The following CATSPERB variants were observed in gnomAD, a reference collection of about 807,000 sequenced individuals.
The protein encoded by CATSPERB is catsper channel auxiliary subunit beta.
CATSPERB carries 93 observed loss-of-function variants against 128.3 expected under a neutral mutation model. The observed-to-expected ratio is 0.72, with a 90% CI of 0.61 to 0.86. The LOEUF (loss-of-function observed/expected upper bound fraction) is 0.86. Among genes scored for constraint, CATSPERB ranks in the 40% least tolerant of loss-of-function variants. The probability of loss-of-function intolerance (pLI) is 0.00; values close to 1 mark genes in which losing one functional copy is unlikely to be tolerated. For missense variants in CATSPERB, 1,153 were observed against 1,329.5 expected, an observed-to-expected ratio of 0.87 and a Z score of 2.06; for synonymous variants, 381 against 448.8, an observed-to-expected ratio of 0.85 and a Z score of 1.91.
intron 20 of CATSPERB, among the ~76,000 whole-genome samples, chr14:91,616,972 G>A (rs779001177): frequency 6.6e-6 from 1 of 151,852 alleles, no homozygotes; most frequent in African/African-American, 2.4e-5. Flanking sequence ...TTGAACTGCC[G>A]ACCTCAGGTG....
At chr14:91,590,308 ATCAC>A (rs1368009607) in intron 23 of CATSPERB, among the ~76,000 whole-genome samples, 8 of 152,286 alleles carry the variant, frequency 5.3e-5, no homozygotes, top group Admixed American at 3.3e-4. Context: ...AGGCAGGTGG[ATCAC>A]TTGAGGTCAG....
At chr14:91,633,683 G>GA (rs948249250) in intron 17 of CATSPERB, among the ~76,000 whole-genome samples, 4 of 151,718 alleles carry the variant, frequency 2.6e-5, no homozygotes, top group African/African-American at 9.7e-5. Flanking sequence ...AAAGTTAAAG[G>GA]AAAAAATTCT....
intron 15 of CATSPERB, among the ~76,000 whole-genome samples, chr14:91,646,741 C>A (rs1894614144): frequency 6.6e-6 from 1 of 152,182 alleles, no homozygotes; most frequent in African/African-American, 2.4e-5. Context: ...ATTGTTCTTG[C>A]CTGTCTAGAC....
intron 14 of CATSPERB, among the ~76,000 whole-genome samples, chr14:91,669,408 A>G (rs1895047293): frequency 6.6e-6 from 1 of 151,776 alleles, no homozygotes; most frequent in African/African-American, 2.4e-5. Context: ...AAATGCTACT[A>G]GGAGGAACTT....
chr14:91,656,060 T>C (rs947961783), intron 15 of CATSPERB, among the ~76,000 whole-genome samples: 1 of 152,172 alleles, frequency 6.6e-6, no homozygotes, highest in Non-Finnish European at 1.5e-5. Context: ...TTAAAACTTT[T>C]ATCCCAGAAT....
intron 5 of CATSPERB, among the ~76,000 whole-genome samples, chr14:91,711,446 G>T (rs1895838281): frequency 6.6e-6 from 1 of 152,126 alleles, no homozygotes. Flanking sequence ...GGCCAGGCTG[G>T]TCTTGAACTC....
chr14:91,723,332 A>G (rs1278751981), intron 3 of CATSPERB, 143 bp from the exon 4 acceptor site: 2 of 496,138 alleles, frequency 4.0e-6, no homozygotes. Context: ...TTCAGAACTC[A>G]GTAACCTATT....
intron 5 of CATSPERB, among the ~76,000 whole-genome samples, chr14:91,711,589 T>A (rs1895840576): frequency 6.6e-6 from 1 of 152,144 alleles, no homozygotes; most frequent in Non-Finnish European, 1.5e-5. Context: ...CAAAAGTTGT[T>A]TTGAATAAAA....
chr14:91,629,818 A>G (rs1285613), intron 17 of CATSPERB, among the ~76,000 whole-genome samples: 114,179 of 152,056 alleles, frequency 0.75, 43,282 homozygotes, highest in East Asian at 0.97. Context: ...GTGATTAAGC[A>G]CTGCTGTTCC....
intron 14 of CATSPERB, among the ~76,000 whole-genome samples, chr14:91,667,097 G>A (rs1894997824): frequency 6.6e-6 from 1 of 152,214 alleles, no homozygotes; most frequent in Admixed American, 6.5e-5. Flanking sequence ...CTGAGCCTTA[G>A]AACTGGGAAA....
At chr14:91,591,572 C>G (rs1403723314) in intron 23 of CATSPERB, among the ~76,000 whole-genome samples, 1 of 151,282 alleles carries the variant, frequency 6.6e-6, no homozygotes, top group African/African-American at 2.4e-5. Flanking sequence ...TTACCATAAC[C>G]TGGTATATGT....
At chr14:91,707,006 T>C (rs954405076) in intron 6 of CATSPERB, among the ~76,000 whole-genome samples, 1 of 152,216 alleles carries the variant, frequency 6.6e-6, no homozygotes, top group Non-Finnish European at 1.5e-5. Flanking sequence ...AGTTATTCTC[T>C]ACATAGCAGC....
chr14:91,695,856 G>A (rs1386778197), intron 7 of CATSPERB, among the ~76,000 whole-genome samples: 1 of 152,172 alleles, frequency 6.6e-6, no homozygotes, highest in Non-Finnish European at 1.5e-5. Flanking sequence ...GAAGTGAGGT[G>A]GTCACATTGG....
chr14:91,639,212 T>G lies in CATSPERB; in HGVS notation c.1471A>C (p.Arg491=). The change falls in exon 16 of 27, where the codon AGA becomes CGA. Residue 491 remains arginine (R), a synonymous_variant. Coordinates refer to ENST00000256343, the MANE Select transcript of CATSPERB (RefSeq NM_024764.4). ...RYSAVGSVTE[R]IFTLYYDHLG... ...TGATCATAGTATAATGTGAAAATTC[T>G]CTCAGTAACACTTCCGACTGCACTG... The G allele has an allele frequency of 6.2e-7, 1 of 1,613,934 alleles. No homozygotes were observed. The highest frequency in any genetic ancestry group is 8.5e-7 in the Non-Finnish European group (1 of 1,179,894).
At chr14:91,698,016 CT>C (rs1895590884) in intron 7 of CATSPERB, among the ~76,000 whole-genome samples, 1 of 152,014 alleles carries the variant, frequency 6.6e-6, no homozygotes, top group South Asian at 2.1e-4. Flanking sequence ...TGAGCATGGA[CT>C]GTTTTTCCAT....
intron 19 of CATSPERB, among the ~76,000 whole-genome samples, chr14:91,620,161 C>T (rs76420853): frequency 0.012 from 1,809 of 152,146 alleles, 73 homozygotes; most frequent in Admixed American, 0.082. Context: ...TGATTTTTTA[C>T]GGGAAATTCC....
intron 22 of CATSPERB, among the ~76,000 whole-genome samples, chr14:91,595,684 C>G (rs936983515): frequency 6.6e-6 from 1 of 152,190 alleles, no homozygotes; most frequent in Non-Finnish European, 1.5e-5. Context: ...TTTATTGGCT[C>G]CATAAGTCAA....
chr14:91,696,502 AC>A (rs1489145417), intron 7 of CATSPERB, among the ~76,000 whole-genome samples: 1 of 152,186 alleles, frequency 6.6e-6, no homozygotes, highest in African/African-American at 2.4e-5. Context: ...GGTGATGGAA[AC>A]CAGAGTCTGA....
At position 91,643,960 on chromosome 14, in the gene CATSPERB, T is replaced by A. The variant is rs1287230111; in HGVS notation, c.1433-4710A>T. ...TGTTGAATTGATCCCTTTACCATTATGTAATGGCCTTCTTTGTCTCTTTTG... is the reference window on the plus strand; with the variant it reads ...TGTTGAATTGATCCCTTTACCATTAAGTAATGGCCTTCTTTGTCTCTTTTG... On this transcript the variant is annotated intron_variant, in intron 15 of 26. Coordinates refer to ENST00000256343, the MANE Select transcript of CATSPERB (RefSeq NM_024764.4). 2.2e-5 allele frequency among the ~76,000 whole-genome samples: 3 copies of A among 137,478 alleles called. 1 individual carries two copies. Among genetic ancestry groups the A allele is most frequent in the Non-Finnish European group, 4.8e-5 (3 of 62,490 alleles). The allele number at this position is 137,478 out of a possible 152,430, so 90.2% of individuals were successfully genotyped here. A position where few individuals can be genotyped will look rare whatever the true frequency, so the allele number is the denominator to read the frequency against.
Sources: gnomAD v4.1 joint callset for allele counts (sites outside exome capture counted in the v4.1 genomes callset) on GRCh38, gnomAD v4.1.1 for gene constraint, MANE v1.5 for transcripts, NCBI Gene and HGNC (gene_info 2026-07-23, HGNC 2026-07-21) for gene names.